MYL2: variants seen among roughly 807,000 people sequenced by gnomAD.
MYL2 encodes myosin regulatory light chain 2, ventricular/cardiac muscle isoform.
A neutral mutation model predicts 23.0 loss-of-function variants in MYL2; 19 were observed. The observed-to-expected ratio is 0.83, with a 90% CI of 0.58 to 1.21. MYL2 has a LOEUF of 1.21. MYL2 is among the 50% of genes most tolerant of loss of function. The probability of loss-of-function intolerance (pLI) is 0.00; values close to 1 mark genes in which losing one functional copy is unlikely to be tolerated. For synonymous variants in MYL2, 78 were observed against 76.2 expected (o/e 1.02, Z -0.13); for missense variants, 180 against 215.1 (o/e 0.84, Z 1.02).
At chr12:110,920,755 A>G, upstream of MYL2, 1 of 631,778 alleles carries the variant, frequency 1.6e-6, no homozygotes, top group Non-Finnish European at 2.8e-6. Context: ...AGCCCCCAAA[A>G]AGGCATTCAA....
At chr12:110,919,758 G>C (rs1373567791) in intron 1 of MYL2, among the ~76,000 whole-genome samples, 1 of 152,230 alleles carries the variant, frequency 6.6e-6, no homozygotes, top group East Asian at 1.9e-4. Context: ...GGGCAGAGAA[G>C]AGCGAGTTGA....
At chr12:110,920,427 G>T in intron 1 of MYL2, 100 bp downstream of exon 1, 1 of 1,572,344 alleles carries the variant, frequency 6.4e-7, no homozygotes. Flanking sequence ...TGGAGGCTTT[G>T]AGGGCCGCCT....
intron 4 of MYL2, 128 bp from the exon 5 acceptor site, chr12:110,913,452 G>A: frequency 1.1e-6 from 1 of 929,792 alleles, no homozygotes; most frequent in Non-Finnish European, 1.7e-6. Context: ...GGAGGAAAAA[G>A]ACCCTGCTTT....
chr12:110,918,905 G>T lies in MYL2; in HGVS notation c.93+199C>A. The T allele has an allele frequency of 1.7e-6, 1 of 593,452 alleles. No homozygotes were observed. Among genetic ancestry groups the T allele is most frequent in the Non-Finnish European group, 3.0e-6 (1 of 337,904 alleles). 36.8% of individuals were successfully genotyped at this position (593,452 alleles called of 1,614,324 possible). A position where few individuals can be genotyped will look rare whatever the true frequency, so the allele number is the denominator to read the frequency against. On this transcript the variant is annotated intron_variant, in intron 2 of 6. Coordinates refer to ENST00000228841, the MANE Select transcript of MYL2 (RefSeq NM_000432.4). The surrounding 1 kb of genome is among the most constrained non-coding windows in gnomAD (Gnocchi z 4.4). ...TCCAACATTTTTCAACATGGAATAT[G>T]TTTTACTTTGATAATCAGTGAAAAT...
Position 110,913,094 on chromosome 12 carries a change from ACCT to A in MYL2, c.401_402+1del. On this transcript the variant is annotated splice_donor_variant and coding_sequence_variant, in exon 6 of 7. Coordinates refer to ENST00000228841, the MANE Select transcript of MYL2 (RefSeq NM_000432.4). LOFTEE classifies it high-confidence loss of function. ...GAGGGAGTGCTTGAAGGACCCCATTACCTCCTCCTTGGAAAACCTCTCCGCCTG... is the reference window on the plus strand; with the variant it reads ...GAGGGAGTGCTTGAAGGACCCCATTACCTCCTTGGAAAACCTCTCCGCCTG... 2.5e-6 allele frequency: 4 copies of A among 1,613,726 alleles called. No homozygotes were observed. The highest frequency in any genetic ancestry group is 3.4e-6 in the Non-Finnish European group (4 of 1,179,928).
Position 110,915,701 on chromosome 12 carries a change from A to G in MYL2, c.169+14T>C, listed in dbSNP as rs768153563. 2 of 1,611,632 alleles carry G rather than the reference A, an allele frequency of 1.2e-6. No homozygotes were observed. The highest frequency in any genetic ancestry group is 1.3e-5 in the African/African-American group (1 of 74,998). On this transcript the variant is annotated intron_variant, in intron 3 of 6. Coordinates refer to ENST00000228841, the MANE Select transcript of MYL2 (RefSeq NM_000432.4). ...TAAAGAGACCCTCATGCAGGGCTAG[A>G]GAGGGTGACATACCAAGGGCAGCAA...
At chr12:110,913,396 C>T (rs2071667833) in intron 4 of MYL2, 72 bp from the exon 5 acceptor site, 2 of 1,511,628 alleles carry the variant, frequency 1.3e-6, no homozygotes, top group South Asian at 1.1e-5. Context: ...CAGCAGGGCC[C>T]AAGTTCCCCC....
chr12:110,920,062 G>A (rs1213302532), intron 1 of MYL2, among the ~76,000 whole-genome samples: 1 of 152,144 alleles, frequency 6.6e-6, no homozygotes, highest in Non-Finnish European at 1.5e-5. Context: ...TCCCTCCTGT[G>A]CTGACCCTGA....
upstream of MYL2, chr12:110,920,836 G>T: frequency 1.9e-6 from 1 of 530,442 alleles, no homozygotes; most frequent in Non-Finnish European, 3.4e-6. Context: ...TGCTTGGGCC[G>T]GGGACACTTG....
chr12:110,919,820 C>T (rs1327921413), intron 1 of MYL2, among the ~76,000 whole-genome samples: 3 of 152,156 alleles, frequency 2.0e-5, no homozygotes, highest in African/African-American at 4.8e-5. Flanking sequence ...GCAAATGATT[C>T]GGTACTCTAC....
In MYL2 at chr12:110,915,007, G is replaced by T. The variant is rs1592800695; in HGVS notation, c.169+708C>A. Reference sequence around the variant, plus strand: ...CCTGCTGTAACCCACAGCCGTGGAGGTTCTGATTTACCTGCTCTAGTCCTG... The same window carrying T: ...CCTGCTGTAACCCACAGCCGTGGAGTTTCTGATTTACCTGCTCTAGTCCTG... On this transcript the variant is annotated intron_variant, in intron 3 of 6. Transcript: ENST00000228841. 3.3e-5 allele frequency among the ~76,000 whole-genome samples: 5 copies of T among 152,194 alleles called. No individual in the cohort carries two copies. In the South Asian group the frequency reaches 8.3e-4, roughly 25 times the overall value.
In MYL2 at chr12:110,914,282, T is replaced by C. The variant is rs2071674753; in HGVS notation, c.178A>G (p.Asn60Asp). ...TCATCAATTTCTTCATTTTTCACGT[T>C]CACTCGCCCTAGGGTAGGAAACACA... Reference protein sequence around the residue: ...RDTFAALGRVNVKNEEIDEMI... With the variant: ...RDTFAALGRVDVKNEEIDEMI... Residue 60 changes from asparagine to aspartate, a missense_variant, in exon 4 of 7, where the codon AAC becomes GAC. By Grantham distance (23) the Asn-to-Asp change is conservative (BLOSUM62 1). Transcript: ENST00000228841. The C allele has an allele frequency of 6.2e-7, 1 of 1,613,576 alleles. No individual in the cohort carries two copies. Among genetic ancestry groups the C allele is most frequent in the African/African-American group, 1.3e-5 (1 of 74,880 alleles).
chr12:110,915,233 A>G (rs1224982000), intron 3 of MYL2, among the ~76,000 whole-genome samples: 1 of 152,226 alleles, frequency 6.6e-6, no homozygotes, highest in Non-Finnish European at 1.5e-5. Flanking sequence ...CAGATTGGGC[A>G]TGTATATTTT....
upstream of MYL2, chr12:110,920,610 T>C (rs1331353923): frequency 3.7e-6 from 6 of 1,603,578 alleles, no homozygotes; most frequent in African/African-American, 4.0e-5. Context: ...CAATAAATAC[T>C]TCCTCCCCAT....
intron 5 of MYL2, 49 bp from the exon 6 acceptor site, chr12:110,913,193 G>A: frequency 6.2e-7 from 1 of 1,610,214 alleles, no homozygotes; most frequent in Non-Finnish European, 8.5e-7. Context: ...TGTGTGTAGG[G>A]GGGACAGGGG....
intron 4 of MYL2, 34 bp from the exon 5 acceptor site, chr12:110,913,358 G>T: frequency 6.2e-7 from 1 of 1,613,160 alleles, no homozygotes; most frequent in South Asian, 1.1e-5. Context: ...ATGTACTGGG[G>T]GTGGCTGGGA....
At position 110,915,794 on chromosome 12, in the gene MYL2, TG is replaced by T. The variant is rs1240512597; in HGVS notation, c.94-5del. Reference sequence around the variant, plus strand: ...TCTGGTCCATGATAGTGAAGGCCTGTGGAAGGGAAGTGATTGGCAGCTCAGC... The same window carrying T: ...TCTGGTCCATGATAGTGAAGGCCTGTGAAGGGAAGTGATTGGCAGCTCAGC... On this transcript the variant is annotated splice_polypyrimidine_tract_variant and splice_region_variant and intron_variant, in intron 2 of 6. Coordinates refer to ENST00000228841, the MANE Select transcript of MYL2 (RefSeq NM_000432.4). The T allele has an allele frequency of 1.2e-6, 2 of 1,613,960 alleles. No individual in the cohort carries two copies. The highest frequency in any genetic ancestry group is 2.2e-5 in the South Asian group (2 of 91,074).
intron 2 of MYL2, 40 bp downstream of exon 2, chr12:110,919,064 G>C: frequency 6.3e-7 from 1 of 1,585,180 alleles, no homozygotes. Context: ...CTCGTGGGTG[G>C]GATTTCCATC....
chr12:110,910,849 C>A lies in MYL2; in HGVS notation c.*228G>T. Reference sequence around the variant, plus strand: ...CAGAGAAATGTCGTGACCAAATACACGACCTCCTGTTTATTGGAACATGGC... The same window carrying A: ...CAGAGAAATGTCGTGACCAAATACAAGACCTCCTGTTTATTGGAACATGGC... On this transcript the variant is annotated 3_prime_UTR_variant, in exon 7 of 7. Transcript: ENST00000228841. 1 of 580,994 alleles carries A rather than the reference C, an allele frequency of 1.7e-6. No homozygotes were observed. Among genetic ancestry groups the A allele is most frequent in the East Asian group, 3.0e-5 (1 of 33,876 alleles). 36.0% of individuals were successfully genotyped at this position (580,994 alleles called of 1,614,324 possible). A position where few individuals can be genotyped will look rare whatever the true frequency, so the allele number is the denominator to read the frequency against.
Sources: gnomAD v4.1 joint callset for allele counts (sites outside exome capture counted in the v4.1 genomes callset) on GRCh38, gnomAD v4.1.1 for gene constraint, Gnocchi (gnomAD v3.1) non-coding constraint, MANE v1.5 for transcripts, NCBI Gene and HGNC (gene_info 2026-07-23, HGNC 2026-07-21) for gene names.